Variants in KIAA1671 observed in about 807,000 individuals in gnomAD.
KIAA1671 encodes the protein KIAA1671, also known as uncharacterized protein KIAA1671.
Under a neutral mutation model 131.2 loss-of-function variants are expected in KIAA1671, and 52 were observed. The observed-to-expected ratio is 0.40, with a 90% confidence interval of 0.32 to 0.50. KIAA1671 has a LOEUF of 0.50. Among genes scored for constraint, KIAA1671 ranks in the 20% least tolerant of loss-of-function variants. The pLI, the probability that KIAA1671 is intolerant of heterozygous loss-of-function variation, is 0.73. For synonymous variants in KIAA1671, 1,003 were observed against 961.6 expected (o/e 1.04, Z -0.80); for missense variants, 2,360 against 2,364.2 (o/e 1.00, Z 0.04).
At chr22:24,984,201 C>G (rs1319977941) in intron 1 of KIAA1671, among the ~76,000 whole-genome samples, 1 of 152,122 alleles carries the variant, frequency 6.6e-6, no homozygotes, top group African/African-American at 2.4e-5. Flanking sequence ...AGGGTACATG[C>G]CTTAAGGGTT....
intron 6 of KIAA1671, among the ~76,000 whole-genome samples, chr22:25,120,682 T>C (rs1931890069): frequency 6.6e-6 from 1 of 152,190 alleles, no homozygotes. Flanking sequence ...TGAAAACCAC[T>C]CCTAGCATTG....
At chr22:25,128,035 G>C (rs1932264892) in intron 6 of KIAA1671, among the ~76,000 whole-genome samples, 1 of 152,188 alleles carries the variant, frequency 6.6e-6, no homozygotes, top group African/African-American at 2.4e-5. Context: ...TTGGCCAAGG[G>C]CCTCAACCTC....
chr22:24,971,278 A>G (rs1922601586), intron 1 of KIAA1671, among the ~76,000 whole-genome samples: 1 of 152,146 alleles, frequency 6.6e-6, no homozygotes, highest in Non-Finnish European at 1.5e-5. Context: ...TGATACTACT[A>G]TCTAGCTGTC....
At chr22:25,181,459 C>T (rs1934273016) in intron 9 of KIAA1671, among the ~76,000 whole-genome samples, 1 of 152,184 alleles carries the variant, frequency 6.6e-6, no homozygotes, top group Non-Finnish European at 1.5e-5. Flanking sequence ...CCTCTGTCCT[C>T]CCGCAAAAGA....
intron 6 of KIAA1671, among the ~76,000 whole-genome samples, chr22:25,085,293 A>C (rs1717141824): frequency 6.6e-6 from 1 of 152,208 alleles, no homozygotes; most frequent in African/African-American, 2.4e-5. Flanking sequence ...AGAGGAGCCA[A>C]GGGGAACCAA....
intron 11 of KIAA1671, among the ~76,000 whole-genome samples, chr22:25,189,193 GC>G (rs201524642): frequency 0.046 from 6,351 of 139,182 alleles, 184 homozygotes; most frequent in Middle Eastern, 0.089. Flanking sequence ...TTGCTCTGTC[GC>G]CCAGGCTGGA....
intron 6 of KIAA1671, among the ~76,000 whole-genome samples, chr22:25,141,951 A>G (rs1179064816): frequency 6.6e-6 from 1 of 152,204 alleles, no homozygotes; most frequent in Non-Finnish European, 1.5e-5. Context: ...CAAGTTTCCC[A>G]GTCTTTAATG....
At chr22:25,029,753 G>A (rs1250255852) in intron 3 of KIAA1671, among the ~76,000 whole-genome samples, 1 of 152,218 alleles carries the variant, frequency 6.6e-6, no homozygotes, top group African/African-American at 2.4e-5. Flanking sequence ...CGGGGGGCCC[G>A]GAGCCCAATT....
chr22:24,966,822 T>C (rs1048873512), intron 1 of KIAA1671, among the ~76,000 whole-genome samples: 4 of 151,976 alleles, frequency 2.6e-5, no homozygotes, highest in African/African-American at 9.7e-5. Flanking sequence ...GGCGTGATGG[T>C]GCACACACCT....
chr22:25,179,372 G>C (rs1021414261), intron 9 of KIAA1671: 16 of 1,604,870 alleles, frequency 1.0e-5, no homozygotes, highest in Admixed American at 5.1e-5. Context: ...GCAGCTCCTC[G>C]CGCAGCCGCT....
intron 6 of KIAA1671, chr22:25,053,155 G>A (rs969978097): frequency 6.6e-6 from 1 of 152,144 alleles, no homozygotes; most frequent in Admixed American, 6.5e-5. Context: ...AGTGTCTTGT[G>A]TATGGTCCTG....
chr22:25,039,442 G>C lies in KIAA1671; in HGVS notation c.2312G>C (p.Arg771Thr). 2 of 1,551,816 alleles carry C rather than the reference G, an allele frequency of 1.3e-6. No individual in the cohort carries two copies. Among genetic ancestry groups the C allele is most frequent in the Non-Finnish European group, 1.7e-6 (2 of 1,147,022 alleles). ...AGGTCTTGGCTCTCACTGAAGGACA[G>C]GCAGCTGTCCCAGGAGGTCACCCCT... ...SLRSWLSLKD[R>T]QLSQEVTPAD... is the part of the protein sequence containing the mutation. Residue 771 changes from arginine to threonine, a missense_variant, in exon 5 of 13, where the codon AGG becomes ACG. Physicochemically the swap from Arg to Thr is moderately conservative, Grantham distance 71. Around this residue, in one of 3 missense-constraint regions of KIAA1671, gnomAD observed 1,185 missense variants for 1,126.2 expected, o/e 1.05. Coordinates refer to ENST00000358431, the MANE Select transcript of KIAA1671 (RefSeq NM_001145206.2).
chr22:25,000,211 T>TTTTTAAATTTA (rs1275472771), intron 1 of KIAA1671, among the ~76,000 whole-genome samples: 1 of 73,802 alleles, frequency 1.4e-5, no homozygotes. Flanking sequence ...TTTTTTTTTT[T>TTTTTAAATTTA]GAGACGGAGT....
At chr22:25,179,299 T>G in intron 9 of KIAA1671, 1 of 1,574,424 alleles carries the variant, frequency 6.4e-7, no homozygotes. Context: ...GCGCCGCCCG[T>G]CCCGGGCCCT....
chr22:25,118,929 G>A (rs1018905237), intron 6 of KIAA1671, among the ~76,000 whole-genome samples: 1 of 152,080 alleles, frequency 6.6e-6, no homozygotes. Flanking sequence ...CTGCAGAGAG[G>A]CTTCCCGACG....
intron 9 of KIAA1671, among the ~76,000 whole-genome samples, chr22:25,180,672 T>C (rs1934235465): frequency 6.6e-6 from 1 of 152,220 alleles, no homozygotes; most frequent in Non-Finnish European, 1.5e-5. Flanking sequence ...GATTTGCCCA[T>C]AGCAAACATT....
At chr22:25,117,190 G>A (rs1005249246) in intron 6 of KIAA1671, among the ~76,000 whole-genome samples, 1 of 152,150 alleles carries the variant, frequency 6.6e-6, no homozygotes, top group Non-Finnish European at 1.5e-5. Flanking sequence ...TGTGGTGTGG[G>A]GCACAATAAT....
At chr22:25,136,978 G>A (rs1373419964) in intron 6 of KIAA1671, among the ~76,000 whole-genome samples, 1 of 152,120 alleles carries the variant, frequency 6.6e-6, no homozygotes, top group East Asian at 1.9e-4. Context: ...GTAGAGGCTG[G>A]GCACTCTAGA....
intron 5 of KIAA1671, among the ~76,000 whole-genome samples, chr22:25,048,000 A>G (rs1927338456): frequency 6.6e-6 from 1 of 152,186 alleles, no homozygotes; most frequent in Non-Finnish European, 1.5e-5. Flanking sequence ...GGTATATAGT[A>G]TGTCAGATTT....
Sources: allele counts gnomAD v4.1 joint callset (sites outside exome capture counted in the v4.1 genomes callset), GRCh38; gene constraint gnomAD v4.1.1; regional missense constraint gnomAD v4.1.1; transcripts MANE v1.5; gene names NCBI Gene and HGNC (gene_info 2026-07-23, HGNC 2026-07-21).